TRPM1: variants seen among roughly 807,000 people sequenced by gnomAD.
TRPM1 encodes the protein TRPM1-203 APA Isoform, Intron 10.
TRPM1 carries 113 observed loss-of-function variants against 149.4 expected under a neutral mutation model. The observed-to-expected ratio is 0.76, with a 90% CI of 0.65 to 0.88. The LOEUF (loss-of-function observed/expected upper bound fraction) is 0.88, where lower values mean the gene tolerates loss of function less well. Ranked by LOEUF, TRPM1 falls within the 40% of genes least tolerant of loss-of-function variation. TRPM1 has a pLI of 0.00. For missense variants in TRPM1, 1,976 were observed against 2,038.7 expected, an observed-to-expected ratio of 0.97 and a Z score of 0.59; for synonymous variants, 741 against 759.5, an observed-to-expected ratio of 0.98 and a Z score of 0.40.
intron 1 of TRPM1, among the ~76,000 whole-genome samples, chr15:31,145,298 C>CAGCCTTCTCCA (rs1567078716): frequency 6.6e-6 from 1 of 152,208 alleles, no homozygotes; most frequent in Non-Finnish European, 1.5e-5. Context: ...AAGCTGTGGA[C>CAGCCTTCTCCA]AGCCTTCTCC....
At chr15:31,105,173 G>A (rs2141019182), upstream of TRPM1, among the ~76,000 whole-genome samples, 1 of 152,170 alleles carries the variant, frequency 6.6e-6, no homozygotes, top group East Asian at 1.9e-4. Context: ...TCTTACTATT[G>A]TTCACATGGT....
intron 20 of TRPM1, chr15:31,035,970 T>G: frequency 2.2e-6 from 1 of 460,416 alleles, no homozygotes; most frequent in African/African-American, 2.0e-5. Flanking sequence ...GCAAACATTA[T>G]GATAACGGGA....
At chr15:31,138,854 C>T (rs866774933) in intron 1 of TRPM1, among the ~76,000 whole-genome samples, 3 of 151,882 alleles carry the variant, frequency 2.0e-5, no homozygotes, top group South Asian at 2.1e-4. Context: ...TTTTTAAGGG[C>T]GCTTCCCTTT....
chr15:31,027,385 T>C (rs2032823927), intron 25 of TRPM1, among the ~76,000 whole-genome samples: 1 of 152,252 alleles, frequency 6.6e-6, no homozygotes, highest in Non-Finnish European at 1.5e-5. Context: ...TCTACTCATA[T>C]ACTCAGGAAA....
exon 1 of TRPM1, chr15:31,161,023 G>A (rs971887013): frequency 1.8e-5 from 27 of 1,490,406 alleles, no homozygotes; most frequent in Middle Eastern, 1.7e-4. Flanking sequence ...AGTGGCACAG[G>A]GGCTGCCCTC....
At chr15:31,072,018 T>TAGAGAGAGAGAGAGAG (rs61039099) in intron 3 of TRPM1, among the ~76,000 whole-genome samples, 28 of 36,888 alleles carry the variant, frequency 7.6e-4, no homozygotes, top group African/African-American at 2.5e-3. Context: ...TATATATATA[T>TAGAGAGAGAGAGAGAG]AGAGAGAGAG....
intron 1 of TRPM1, among the ~76,000 whole-genome samples, chr15:31,113,263 G>A (rs1053229086): frequency 2.0e-5 from 3 of 152,156 alleles, no homozygotes; most frequent in Non-Finnish European, 4.4e-5. Context: ...CCACAGGACA[G>A]GACCCCTGAT....
At chr15:31,077,870 GTGTT>G (rs2034752103) in intron 2 of TRPM1, among the ~76,000 whole-genome samples, 2 of 152,070 alleles carry the variant, frequency 1.3e-5, no homozygotes, top group East Asian at 1.9e-4. Context: ...TGTGTGGTGT[GTGTT>G]TGTGATGTGT....
At chr15:31,089,663 C>T (rs1184875635) in intron 1 of TRPM1, among the ~76,000 whole-genome samples, 3 of 152,186 alleles carry the variant, frequency 2.0e-5, no homozygotes, top group South Asian at 2.1e-4. Flanking sequence ...TACCCTGGGA[C>T]GGTTCACCCT....
At chr15:31,112,970 A>G (rs1014789344) in intron 1 of TRPM1, among the ~76,000 whole-genome samples, 2 of 152,198 alleles carry the variant, frequency 1.3e-5, no homozygotes, top group Non-Finnish European at 2.9e-5. Context: ...GACTTGGGAA[A>G]AACTCGATTA....
chr15:31,051,684 G>A (rs1026527311), intron 11 of TRPM1, among the ~76,000 whole-genome samples: 4 of 152,070 alleles, frequency 2.6e-5, no homozygotes, highest in East Asian at 1.9e-4. Context: ...CTTCCTTGAC[G>A]ACCTCATTGA....
intron 1 of TRPM1, among the ~76,000 whole-genome samples, chr15:31,130,550 G>T (rs1299882353): frequency 6.6e-6 from 1 of 152,224 alleles, no homozygotes; most frequent in Non-Finnish European, 1.5e-5. Context: ...CATGAAGCCA[G>T]AGGCTGCAAG....
chr15:31,052,722 C>G (rs1163522712), intron 11 of TRPM1, among the ~76,000 whole-genome samples: 1 of 152,186 alleles, frequency 6.6e-6, no homozygotes, highest in Non-Finnish European at 1.5e-5. Flanking sequence ...TTGCAGTGAG[C>G]TGAGATCGTG....
rs368500512 is a variant in TRPM1, at chr15:31,132,326, T to C, written c.54+28580A>G. ...CCCACAGGCCCTGCACCCTGAAAGC[T>C]CAAGTGCTCGGCTCCTGATTCAGGG... On this transcript the variant is annotated intron_variant, in intron 1 of 26. Transcript: ENST00000542188. Among the ~76,000 whole-genome samples, 11 of 152,228 alleles carry C rather than the reference T, an allele frequency of 7.2e-5. No individual in the cohort carries two copies. The East Asian group carries it at 2.1e-3, about 30-fold the overall frequency.
intron 1 of TRPM1, among the ~76,000 whole-genome samples, chr15:31,125,537 C>T (rs796423884): frequency 9.3e-5 from 14 of 150,278 alleles, no homozygotes; most frequent in African/African-American, 2.2e-4. Flanking sequence ...GAGACCATCC[C>T]GGCTAAAACG....
upstream of TRPM1, among the ~76,000 whole-genome samples, chr15:31,104,855 A>G (rs554340612): frequency 1.9e-4 from 29 of 151,932 alleles, no homozygotes; most frequent in Admixed American, 1.5e-3. Context: ...TGGCCTCCCA[A>G]AGTGCTGGGA....
intron 1 of TRPM1, among the ~76,000 whole-genome samples, chr15:31,090,225 T>C (rs981650262): frequency 6.6e-6 from 1 of 152,158 alleles, no homozygotes; most frequent in Non-Finnish European, 1.5e-5. Context: ...GGGAGTCTTT[T>C]TGAGCCATTA....
intron 1 of TRPM1, among the ~76,000 whole-genome samples, chr15:31,132,493 CTT>C (rs1459750054): frequency 2.6e-5 from 4 of 152,206 alleles, no homozygotes; most frequent in African/African-American, 9.6e-5. Context: ...CCTGATGTCT[CTT>C]TTGTTTGTCG....
intron 22 of TRPM1, among the ~76,000 whole-genome samples, chr15:31,032,196 T>C (rs190388908): frequency 6.6e-6 from 1 of 152,258 alleles, no homozygotes; most frequent in East Asian, 1.9e-4. Context: ...TGTTCTCTTA[T>C]GTCCTGGGAA....
Sources: allele counts gnomAD v4.1 joint callset (sites outside exome capture counted in the v4.1 genomes callset), GRCh38; gene constraint gnomAD v4.1.1; transcripts MANE v1.5; gene names NCBI Gene and HGNC (gene_info 2026-07-23, HGNC 2026-07-21).